Variants in TMED10 observed in about 807,000 individuals in gnomAD.
TMED10 encodes transmembrane emp24 domain-containing protein 10.
In TMED10, 7 loss-of-function variants were observed where a neutral mutation model predicts 23.1. The observed-to-expected ratio is 0.30, with a 90% confidence interval of 0.17 to 0.57. The LOEUF is 0.57. Among genes scored for constraint, TMED10 ranks in the 20% least tolerant of loss-of-function variants. The pLI is 0.91. For synonymous variants in TMED10, 113 were observed against 106.9 expected (o/e 1.06, Z -0.35); for missense variants, 162 against 274.8 (o/e 0.59, Z 2.90).
At chr14:75,154,513 A>G (rs1029191093) in intron 1 of TMED10, among the ~76,000 whole-genome samples, 7 of 151,618 alleles carry the variant, frequency 4.6e-5, no homozygotes, top group Non-Finnish European at 1.0e-4. Context: ...AACTAAAGAA[A>G]AGTTATCACT....
intron 3 of TMED10, among the ~76,000 whole-genome samples, chr14:75,140,405 T>G (rs1233665086): frequency 6.6e-6 from 1 of 151,978 alleles, no homozygotes; most frequent in African/African-American, 2.4e-5. Flanking sequence ...GGCCTGTTTA[T>G]TTTTACAAAA....
At chr14:75,156,352 A>G (rs1006056713) in intron 1 of TMED10, among the ~76,000 whole-genome samples, 22 of 152,116 alleles carry the variant, frequency 1.4e-4, no homozygotes, top group Admixed American at 7.9e-4. Context: ...GTAATTACAA[A>G]AAAGTTTAGT....
In TMED10 at chr14:75,134,198, CAT is replaced by C. The variant is rs138542901; in HGVS notation, c.*685_*686del. 0.012 allele frequency: 1,834 copies of C among 155,586 alleles called. 41 individuals carry two copies. Among genetic ancestry groups the C allele is most frequent in the African/African-American group, 0.041 (1,708 of 41,558 alleles). 9.6% of individuals were successfully genotyped at this position (155,586 alleles called of 1,614,324 possible). On this transcript the variant is annotated 3_prime_UTR_variant, in exon 5 of 5. Transcript: ENST00000303575. ...GTGATGGTGGTCACATGAATCTACA[CAT>C]GTGATAATATTGCATAGAATTAAAT...
intron 3 of TMED10, among the ~76,000 whole-genome samples, chr14:75,140,892 G>A (rs1200894898): frequency 1.3e-5 from 2 of 151,958 alleles, no homozygotes; most frequent in Non-Finnish European, 2.9e-5. Context: ...TTACAAAGTA[G>A]TAATAATAAT....
In TMED10 at chr14:75,133,895, T is replaced by G. The variant is rs757049616; in HGVS notation, c.*990A>C. ...TCTGTACTTATACCCCCTAAATATA[T>G]AAAACATTTTTAAAAGAAAAAAAGG... On this transcript the variant is annotated 3_prime_UTR_variant, in exon 5 of 5. Transcript: ENST00000303575. 1 of 317,266 alleles carries G rather than the reference T, an allele frequency of 3.2e-6. No individual in the cohort carries two copies. Among genetic ancestry groups the G allele is most frequent in the Non-Finnish European group, 6.0e-6 (1 of 167,408 alleles). 19.7% of individuals were successfully genotyped at this position (317,266 alleles called of 1,614,324 possible).
chr14:75,135,176 T>A (rs1352654062), intron 4 of TMED10, among the ~76,000 whole-genome samples, 170 bp from the exon 5 acceptor site: 1 of 152,152 alleles, frequency 6.6e-6, no homozygotes, highest in East Asian at 1.9e-4. Context: ...TGGCTGGGCA[T>A]GGTGTAATCC....
At chr14:75,164,549 ATATATATATATATATATATATATATATAT>A (rs1566675110) in intron 1 of TMED10, among the ~76,000 whole-genome samples, 2 of 1,632 alleles carry the variant, frequency 1.2e-3, no homozygotes, top group Non-Finnish European at 2.9e-3. Flanking sequence ...ATATATATAT[ATATATATATATATATATATATATATATAT>A]TTTTTTTTTT....
chr14:75,160,146 G>A (rs1369308864), intron 1 of TMED10, among the ~76,000 whole-genome samples: 3 of 152,174 alleles, frequency 2.0e-5, no homozygotes, highest in Non-Finnish European at 1.5e-5. Context: ...CACTCATATG[G>A]CCTGTTTGGG....
At chr14:75,173,964 C>T (rs898275093) in intron 1 of TMED10, among the ~76,000 whole-genome samples, 1 of 152,190 alleles carries the variant, frequency 6.6e-6, no homozygotes, top group Non-Finnish European at 1.5e-5. Context: ...CTCCTGACCT[C>T]AGGTGATCCA....
At chr14:75,169,987 G>A (rs1320434069) in intron 1 of TMED10, among the ~76,000 whole-genome samples, 2 of 152,144 alleles carry the variant, frequency 1.3e-5, no homozygotes, top group African/African-American at 4.8e-5. Context: ...CAGCACTTTG[G>A]GAGGCAGAGG....
At chr14:75,157,599 G>C (rs867960560) in intron 1 of TMED10, among the ~76,000 whole-genome samples, 5 of 152,024 alleles carry the variant, frequency 3.3e-5, no homozygotes, top group African/African-American at 9.6e-5. Context: ...GCAGTGAGCT[G>C]TGATTGTGCC....
At chr14:75,175,039 C>A (rs1369609502) in intron 1 of TMED10, among the ~76,000 whole-genome samples, 52 of 87,054 alleles carry the variant, frequency 6.0e-4, no homozygotes, top group Admixed American at 1.5e-3. Context: ...GACTCCGTCT[C>A]AAAAAAAAAA....
intron 1 of TMED10, among the ~76,000 whole-genome samples, chr14:75,164,562 TATATATA>T (rs1896132324): frequency 2.9e-4 from 1 of 3,480 alleles, no homozygotes; most frequent in Non-Finnish European, 7.1e-4. Flanking sequence ...TATATATATA[TATATATA>T]TATATATATT....
intron 1 of TMED10, among the ~76,000 whole-genome samples, chr14:75,174,271 C>T (rs1218458144): frequency 6.6e-6 from 1 of 152,080 alleles, no homozygotes; most frequent in Non-Finnish European, 1.5e-5. Flanking sequence ...AGGGTACTGT[C>T]CAGGGTGGCT....
At chr14:75,170,761 A>G (rs148867368) in intron 1 of TMED10, among the ~76,000 whole-genome samples, 2 of 152,348 alleles carry the variant, frequency 1.3e-5, no homozygotes, top group East Asian at 3.9e-4. Flanking sequence ...TACCAATGTG[A>G]ATGATAAATT....
chr14:75,151,829 A>C (rs867573565), intron 2 of TMED10, among the ~76,000 whole-genome samples: 16 of 152,234 alleles, frequency 1.1e-4, no homozygotes, highest in African/African-American at 3.4e-4. Context: ...CTGCCCTAAA[A>C]ATTCTCTCTG....
At chr14:75,158,801 G>A (rs1896052341) in intron 1 of TMED10, among the ~76,000 whole-genome samples, 1 of 152,132 alleles carries the variant, frequency 6.6e-6, no homozygotes, top group African/African-American at 2.4e-5. Flanking sequence ...GCGCATGCCT[G>A]TAATCCCAGC....
Position 75,176,514 on chromosome 14 carries a change from G to A in TMED10, c.66C>T (p.Phe22=). Residue 22 remains phenylalanine, a synonymous_variant, in exon 1 of 5, where the codon TTC becomes TTT. Transcript: ENST00000303575. ...GPFPLALLLL[F]LLGPRLVLAI... ...CAAGGACCAATCTGGGGCCGAGCAG[G>A]AACAAAAGCAGCAACGCTAACGGAA... 2 of 1,614,192 alleles carry A rather than the reference G, an allele frequency of 1.2e-6. No homozygotes were observed. The highest frequency in any genetic ancestry group is 1.1e-5 in the South Asian group (1 of 91,086).
At chr14:75,161,180 G>T (rs1489640644) in intron 1 of TMED10, among the ~76,000 whole-genome samples, 5 of 152,210 alleles carry the variant, frequency 3.3e-5, no homozygotes. Context: ...TTTAAAATTG[G>T]ATTTTCTTGG....
Sources: gnomAD v4.1 joint callset for allele counts (sites outside exome capture counted in the v4.1 genomes callset) on GRCh38, gnomAD v4.1.1 for gene constraint, MANE v1.5 for transcripts, NCBI Gene and HGNC (gene_info 2026-07-23, HGNC 2026-07-21) for gene names.